The following SPECC1L variants were observed in gnomAD, a reference collection of about 807,000 sequenced individuals.
The protein encoded by SPECC1L is sperm antigen with calponin homology and coiled-coil domains 1 like, also known as cytospin-A.
Under a neutral mutation model 116.8 loss-of-function variants are expected in SPECC1L, and 40 were observed. The ratio of observed to expected loss-of-function variants is 0.34; its 90% CI spans 0.27 to 0.45. The LOEUF (loss-of-function observed/expected upper bound fraction) is 0.45, where lower values mean the gene tolerates loss of function less well. SPECC1L is among the 20% of genes least tolerant of loss of function. SPECC1L has a pLI of 1.00. For synonymous variants in SPECC1L, 504 were observed against 500.6 expected (o/e 1.01, Z -0.09); for missense variants, 1,110 against 1,373.6 (o/e 0.81, Z 3.03).
chr22:24,302,504 G>A, intron 3 of SPECC1L, 120 bp downstream of exon 3: 1 of 1,332,254 alleles, frequency 7.5e-7, no homozygotes, highest in Non-Finnish European at 1.1e-6. Context: ...GGGAACACTT[G>A]GCCTTTGAAG....
rs1266156845 is a variant in SPECC1L at position 24,338,467 on chromosome 22, C to G, written c.2642C>G (p.Ser881Cys). Residue 881 changes from serine (S) to cysteine (C), a missense_variant, in exon 10 of 17, where the codon TCC (serine) becomes TGC (cysteine). Ser to Cys is a moderately radical substitution (Grantham distance 112, BLOSUM62 -1). Coordinates refer to ENST00000314328, the MANE Select transcript of SPECC1L (RefSeq NM_015330.6). ...PMKTPPAAAV[S>C]PMQRHSISGP... ...AAAACCCCTCCTGCAGCAGCTGTGT[C>G]CCCTATGCAGGTGAGTGCCTGGAAC... The G allele has an allele frequency of 6.2e-7, 1 of 1,614,046 alleles. No individual in the cohort carries two copies. Among genetic ancestry groups the G allele is most frequent in the Non-Finnish European group, 8.5e-7 (1 of 1,179,948 alleles).
At chr22:24,337,141 G>A (rs965896677) in intron 9 of SPECC1L, among the ~76,000 whole-genome samples, 5 of 152,252 alleles carry the variant, frequency 3.3e-5, no homozygotes, top group African/African-American at 4.8e-5. Flanking sequence ...ATAAATGTTC[G>A]TAGCAGCTCT....
intron 10 of SPECC1L, among the ~76,000 whole-genome samples, chr22:24,340,442 C>T (rs2041153802): frequency 1.3e-5 from 2 of 152,126 alleles, no homozygotes; most frequent in South Asian, 4.1e-4. Flanking sequence ...CCACTGTGCG[C>T]AGCTGATTTA....
At chr22:24,293,670 A>C (rs2049201097) in intron 2 of SPECC1L, among the ~76,000 whole-genome samples, 2 of 148,246 alleles carry the variant, frequency 1.3e-5, no homozygotes, top group Non-Finnish European at 3.0e-5. Flanking sequence ...GCCAGACCAG[A>C]TCTGTCTTGT....
intron 11 of SPECC1L, among the ~76,000 whole-genome samples, chr22:24,352,227 G>C (rs1404609736): frequency 3.3e-5 from 5 of 152,158 alleles, no homozygotes; most frequent in African/African-American, 1.2e-4. Context: ...TATGCCCTAA[G>C]CTGAAAAGCA....
rs144193460 is a variant in SPECC1L, at chr22:24,387,542, T to A, written c.3087+18222T>A. ...TATTGAGCAAAAATTAAGGAAAAAATTTTTTTGGTATTTTCAGGAATGTTG... is the reference window on the plus strand; with the variant it reads ...TATTGAGCAAAAATTAAGGAAAAAAATTTTTTGGTATTTTCAGGAATGTTG... On this transcript the variant is annotated intron_variant, in intron 14 of 16. Transcript: ENST00000314328. 7.6e-3 allele frequency among the ~76,000 whole-genome samples: 1,157 copies of A among 152,246 alleles called. 13 individuals carry two copies. The highest frequency in any genetic ancestry group is 0.026 in the African/African-American group (1,085 of 41,544).
In SPECC1L at chr22:24,322,865, G is replaced by T. The variant is rs376477684; in HGVS notation, c.1885G>T (p.Asp629Tyr). The T allele has an allele frequency of 2.0e-5, 33 of 1,613,690 alleles. No individual in the cohort carries two copies. Among genetic ancestry groups the T allele is most frequent in the Non-Finnish European group, 2.8e-5 (33 of 1,179,834 alleles). ...AETLASSLQE[D>Y]LAHTRNDANR... ...GACTTTGGCTAGTAGCTTGCAGGAAGATCTGGCTCATACCCGAAATGATGC... is the reference window on the plus strand; with the variant it reads ...GACTTTGGCTAGTAGCTTGCAGGAATATCTGGCTCATACCCGAAATGATGC... Residue 629 changes from aspartate to tyrosine, a missense_variant, in exon 5 of 17, where the codon GAT becomes TAT. Physicochemically the swap from Asp to Tyr is radical, Grantham distance 160. Around this residue, in one of 4 missense-constraint regions of SPECC1L, gnomAD observed 575 missense variants for 682.4 expected, o/e 0.84. Transcript: ENST00000314328.
intron 6 of SPECC1L, among the ~76,000 whole-genome samples, chr22:24,325,982 T>C (rs2040813824): frequency 6.6e-6 from 1 of 152,134 alleles, no homozygotes. Flanking sequence ...GGATGGAGTT[T>C]CATTCTTGGT....
At chr22:24,409,167 T>A (rs970542713) in intron 14 of SPECC1L, among the ~76,000 whole-genome samples, 2 of 152,226 alleles carry the variant, frequency 1.3e-5, no homozygotes, top group African/African-American at 4.8e-5. Context: ...ATAATAATAG[T>A]GTTAACATCA....
At chr22:24,314,624 T>C (rs1298868795) in intron 4 of SPECC1L, among the ~76,000 whole-genome samples, 2 of 152,274 alleles carry the variant, frequency 1.3e-5, no homozygotes, top group African/African-American at 4.8e-5. Context: ...GCTGGTCATA[T>C]GACCTATAGA....
intron 6 of SPECC1L, among the ~76,000 whole-genome samples, chr22:24,327,207 G>A (rs1024296597): frequency 6.7e-6 from 1 of 150,124 alleles, no homozygotes; most frequent in Non-Finnish European, 1.5e-5. Flanking sequence ...GAACCCAGGG[G>A]GCAGAGGTTG....
At chr22:24,410,671 C>T (rs1424459467) in intron 14 of SPECC1L, among the ~76,000 whole-genome samples, 1 of 152,160 alleles carries the variant, frequency 6.6e-6, no homozygotes, top group Non-Finnish European at 1.5e-5. Context: ...ATAGCAATCT[C>T]CAGTACATGT....
At chr22:24,387,830 G>T (rs2042189319) in intron 14 of SPECC1L, among the ~76,000 whole-genome samples, 2 of 152,138 alleles carry the variant, frequency 1.3e-5, no homozygotes, top group Admixed American at 6.5e-5. Flanking sequence ...TAAAATCAAG[G>T]TGTCAGCAGA....
chr22:24,386,276 G>A (rs1180997946), intron 14 of SPECC1L, among the ~76,000 whole-genome samples: 1 of 152,080 alleles, frequency 6.6e-6, no homozygotes, highest in Non-Finnish European at 1.5e-5. Flanking sequence ...AAAGAGACAA[G>A]ACCCTGCTCT....
intron 14 of SPECC1L, among the ~76,000 whole-genome samples, chr22:24,404,277 G>T (rs2042540474): frequency 6.6e-6 from 1 of 152,176 alleles, no homozygotes; most frequent in African/African-American, 2.4e-5. Flanking sequence ...ATCCCTAGGG[G>T]ATCCCATACA....
At chr22:24,411,138 G>A (rs185347354) in intron 14 of SPECC1L, among the ~76,000 whole-genome samples, 3 of 152,108 alleles carry the variant, frequency 2.0e-5, no homozygotes, top group South Asian at 2.1e-4. Context: ...GTAGTGAGCC[G>A]AGATCATGCC....
chr22:24,394,304 G>A (rs193196159), intron 14 of SPECC1L, among the ~76,000 whole-genome samples: 1 of 152,302 alleles, frequency 6.6e-6, no homozygotes, highest in Admixed American at 6.5e-5. Context: ...TCTTGTGAGG[G>A]CATCTTCCAG....
intron 2 of SPECC1L, among the ~76,000 whole-genome samples, chr22:24,300,996 C>G (rs1419108958): frequency 6.6e-6 from 1 of 152,042 alleles, no homozygotes; most frequent in Non-Finnish European, 1.5e-5. Flanking sequence ...AATGTAAAAC[C>G]CAAAACCATA....
chr22:24,315,966 A>G (rs545538793), intron 4 of SPECC1L, among the ~76,000 whole-genome samples: 1 of 152,296 alleles, frequency 6.6e-6, no homozygotes, highest in East Asian at 1.9e-4. Flanking sequence ...TAATGACTTC[A>G]TCTTACGTTA....
Sources: allele counts gnomAD v4.1 joint callset (sites outside exome capture counted in the v4.1 genomes callset), GRCh38; gene constraint gnomAD v4.1.1; regional missense constraint gnomAD v4.1.1; transcripts MANE v1.5; gene names NCBI Gene and HGNC (gene_info 2026-07-23, HGNC 2026-07-21).